The following DNAJB14 variants were observed in gnomAD, a reference collection of about 807,000 sequenced individuals.
DNAJB14 encodes dnaJ homolog subfamily B member 14.
Under a neutral mutation model 48.4 loss-of-function variants are expected in DNAJB14, and 22 were observed. That is an observed-to-expected ratio of 0.45 (90% CI 0.32 to 0.65). The LOEUF (loss-of-function observed/expected upper bound fraction) is 0.65, where lower values mean the gene tolerates loss of function less well. DNAJB14 is among the 30% of genes least tolerant of loss of function. The pLI is 0.03. For missense variants in DNAJB14, 319 were observed against 458.8 expected, an observed-to-expected ratio of 0.70 and a Z score of 2.78; for synonymous variants, 142 against 158.7, an observed-to-expected ratio of 0.89 and a Z score of 0.79.
At chr4:99,924,897 A>G (rs1480117949) in intron 2 of DNAJB14, 1 of 936,532 alleles carries the variant, frequency 1.1e-6, no homozygotes, top group African/African-American at 1.6e-5. Flanking sequence ...CTAGGCAAAA[A>G]TCTGACCGAA....
chr4:99,906,804 G>A (rs1173745692), intron 4 of DNAJB14, among the ~76,000 whole-genome samples, 193 bp from the exon 5 acceptor site: 2 of 152,140 alleles, frequency 1.3e-5, no homozygotes, highest in East Asian at 3.9e-4. Flanking sequence ...TTCCCAATCT[G>A]CTTCCGTTAC....
chr4:99,923,970 T>C (rs916782571), intron 2 of DNAJB14: 1 of 643,282 alleles, frequency 1.6e-6, no homozygotes, highest in Admixed American at 6.3e-5. Flanking sequence ...TTCTAAAGAT[T>C]ATATACATAC....
intron 3 of DNAJB14, among the ~76,000 whole-genome samples, chr4:99,917,550 C>G (rs1725900064): frequency 1.3e-5 from 2 of 152,210 alleles, no homozygotes; most frequent in South Asian, 4.1e-4. Flanking sequence ...TTTGGGGCAC[C>G]ACAAATAATA....
At chr4:99,925,021 T>G in intron 2 of DNAJB14, 1 of 551,348 alleles carries the variant, frequency 1.8e-6, no homozygotes, top group Non-Finnish European at 3.2e-6. Context: ...GACTCTAAGA[T>G]GTATAATATA....
intron 3 of DNAJB14, among the ~76,000 whole-genome samples, chr4:99,921,510 T>C (rs1237070426): frequency 2.6e-5 from 4 of 152,178 alleles, no homozygotes; most frequent in Admixed American, 1.3e-4. Context: ...AATATAGAAG[T>C]GGAAGAAATA....
chr4:99,912,375 C>T (rs927306925), intron 3 of DNAJB14, among the ~76,000 whole-genome samples: 1 of 152,022 alleles, frequency 6.6e-6, no homozygotes, highest in African/African-American at 2.4e-5. Context: ...TCTTTCTTCC[C>T]CTCATATGAA....
intron 1 of DNAJB14, among the ~76,000 whole-genome samples, chr4:99,934,669 T>G (rs897359178): frequency 1.3e-5 from 2 of 150,788 alleles, no homozygotes; most frequent in Admixed American, 6.6e-5. Context: ...GACCAGTGCC[T>G]GTAATCCCAG....
intron 4 of DNAJB14, among the ~76,000 whole-genome samples, chr4:99,907,916 C>G (rs912317701): frequency 6.6e-6 from 1 of 152,158 alleles, no homozygotes; most frequent in Non-Finnish European, 1.5e-5. Flanking sequence ...TAAGTCCTCA[C>G]TTAACGTCAT....
intron 1 of DNAJB14, among the ~76,000 whole-genome samples, chr4:99,944,604 C>A (rs1414279442): frequency 6.7e-6 from 1 of 149,322 alleles, no homozygotes; most frequent in Admixed American, 6.7e-5. Context: ...GATGGAGTCT[C>A]GCTGTGTCGC....
At chr4:99,928,060 A>C (rs1392189793) in intron 2 of DNAJB14, 1 of 152,206 alleles carries the variant, frequency 6.6e-6, no homozygotes, top group African/African-American at 2.4e-5. Flanking sequence ...AAAAAATTAC[A>C]TTTAATTAAA....
chr4:99,940,668 C>CA (rs1176717008), intron 1 of DNAJB14, among the ~76,000 whole-genome samples: 7 of 151,732 alleles, frequency 4.6e-5, no homozygotes, highest in Non-Finnish European at 1.0e-4. Context: ...AAATCCCCCC[C>CA]AAAAAATCAC....
In DNAJB14 at chr4:99,896,766, G is replaced by A. The variant is rs1560725310; in HGVS notation, c.*4262C>T. ...CACTGAAAATCTCTATGATTTTAAT[G>A]GTGTCCTTAAATGGCAAAGTAGAAT... On this transcript the variant is annotated 3_prime_UTR_variant, in exon 8 of 8. Transcript: ENST00000442697. 6.6e-6 allele frequency: 1 copy of A among 152,018 alleles called. No homozygotes were observed. Among genetic ancestry groups the A allele is most frequent in the Non-Finnish European group, 1.5e-5 (1 of 67,974 alleles). The allele number at this position is 152,018 out of a possible 1,614,324, so 9.4% of individuals were successfully genotyped here. A position where few individuals can be genotyped will look rare whatever the true frequency, so the allele number is the denominator to read the frequency against.
At chr4:99,905,783 T>C in intron 5 of DNAJB14, 77 bp from the exon 6 acceptor site, 1 of 1,484,082 alleles carries the variant, frequency 6.7e-7, no homozygotes. Flanking sequence ...TCATACATTT[T>C]GAGGCAGAAA....
chr4:99,944,545 G>T (rs1291995989), intron 1 of DNAJB14, among the ~76,000 whole-genome samples: 1 of 151,380 alleles, frequency 6.6e-6, no homozygotes, highest in Non-Finnish European at 1.5e-5. Context: ...ATATTATTCA[G>T]TTTTTTTACT....
At chr4:99,906,219 A>T in intron 5 of DNAJB14, 1 of 1,357,170 alleles carries the variant, frequency 7.4e-7, no homozygotes, top group Non-Finnish European at 9.6e-7. Flanking sequence ...GTTTTTCAGT[A>T]CTCTAAATTC....
intron 1 of DNAJB14, among the ~76,000 whole-genome samples, chr4:99,939,951 A>C (rs967420084): frequency 6.6e-6 from 1 of 152,210 alleles, no homozygotes; most frequent in African/African-American, 2.4e-5. Context: ...GAGAACATTC[A>C]CTTTTATGAA....
intron 4 of DNAJB14, among the ~76,000 whole-genome samples, chr4:99,906,835 T>A (rs1560731937): frequency 6.6e-6 from 1 of 152,198 alleles, no homozygotes; most frequent in Non-Finnish European, 1.5e-5. Flanking sequence ...TCCTTCTTTA[T>A]GAAAACTTGA....
At position 99,908,897 on chromosome 4, in the gene DNAJB14, C is replaced by T; in HGVS notation, c.452-1G>A. ...AAAACAGCATAAGCATTTCCAATCT[C>T]TGAAAAAGTAATGAGTAAAAGTTGG... On this transcript the variant is annotated splice_acceptor_variant, in intron 3 of 7. Coordinates refer to ENST00000442697, the MANE Select transcript of DNAJB14 (RefSeq NM_001031723.4). LOFTEE classifies it high-confidence loss of function. 6.5e-7 allele frequency: 1 copy of T among 1,538,646 alleles called. No individual in the cohort carries two copies. The highest frequency in any genetic ancestry group is 8.7e-7 in the Non-Finnish European group (1 of 1,146,472).
chr4:99,903,297 A>G (rs914792403), intron 7 of DNAJB14, among the ~76,000 whole-genome samples: 5 of 152,146 alleles, frequency 3.3e-5, no homozygotes, highest in Admixed American at 1.3e-4. Flanking sequence ...AAATGTCAAC[A>G]AAACTCATTG....
Sources: allele counts gnomAD v4.1 joint callset (sites outside exome capture counted in the v4.1 genomes callset), GRCh38; gene constraint gnomAD v4.1.1; transcripts MANE v1.5; gene names NCBI Gene and HGNC (gene_info 2026-07-23, HGNC 2026-07-21).